Variants in NOX4 observed in about 807,000 individuals in gnomAD.
NOX4 encodes the protein NADPH oxidase 4, also known as kidney oxidase-1.
Under a neutral mutation model 87.6 loss-of-function variants are expected in NOX4, and 69 were observed. That is an observed-to-expected ratio of 0.79 (90% CI 0.65 to 0.96). The LOEUF is 0.96. NOX4 is among the 40% of genes least tolerant of loss of function. The probability of loss-of-function intolerance (pLI) is 0.00; values close to 1 mark genes in which losing one functional copy is unlikely to be tolerated. For missense variants in NOX4, 680 were observed against 681.5 expected, an observed-to-expected ratio of 1.00 and a Z score of 0.02; for synonymous variants, 275 against 238.2, an observed-to-expected ratio of 1.15 and a Z score of -1.42.
Position 89,451,778 on chromosome 11 carries a change from T to A in NOX4, c.264+7A>T, listed in dbSNP as rs770745784. On this transcript the variant is annotated splice_region_variant and intron_variant, in intron 3 of 17. Coordinates refer to ENST00000263317, the MANE Select transcript of NOX4 (RefSeq NM_016931.5). ...TGGAATTTGAAAGTAGGACTGTTTT[T>A]TCTTACCTTCTGTGATCCTCGGAGG... is the stretch of plus-strand genomic sequence containing the variant. 6.3e-7 allele frequency: 1 copy of A among 1,589,146 alleles called. No individual in the cohort carries two copies. The highest frequency in any genetic ancestry group is 1.3e-5 in the African/African-American group (1 of 74,344).
intron 8 of NOX4, among the ~76,000 whole-genome samples, chr11:89,405,916 T>C (rs928114162): frequency 4.6e-5 from 7 of 152,036 alleles, no homozygotes; most frequent in African/African-American, 1.7e-4. Context: ...CTATTCCCCT[T>C]GCAAAATATC....
intron 11 of NOX4, among the ~76,000 whole-genome samples, chr11:89,390,518 C>G (rs1941051722): frequency 6.6e-6 from 1 of 152,044 alleles, no homozygotes; most frequent in Admixed American, 6.6e-5. Flanking sequence ...TTTAATAAAG[C>G]ATAAGTAAAA....
At chr11:89,586,522 T>A in the NOX4 span, among the ~76,000 whole-genome samples, 9 of 152,166 alleles carry the variant, frequency 5.9e-5, no homozygotes, top group African/African-American at 2.2e-4. Flanking sequence ...TGCAAGTAAC[T>A]CATTTAAGTA....
At chr11:89,335,298 C>T (rs1327369263) in intron 17 of NOX4, among the ~76,000 whole-genome samples, 4 of 151,586 alleles carry the variant, frequency 2.6e-5, no homozygotes, top group African/African-American at 7.3e-5. Flanking sequence ...ATCATAGACA[C>T]GTAGTCCATA....
At chr11:89,476,392 C>T (rs893669970) in intron 2 of NOX4, among the ~76,000 whole-genome samples, 2 of 152,018 alleles carry the variant, frequency 1.3e-5, no homozygotes, top group African/African-American at 4.8e-5. Flanking sequence ...AAAATACTCA[C>T]TACATTCATT....
intron 8 of NOX4, among the ~76,000 whole-genome samples, chr11:89,419,627 TTAA>T (rs1942979686): frequency 2.6e-5 from 4 of 151,864 alleles, no homozygotes; most frequent in African/African-American, 9.7e-5. Context: ...TTAATTTAGT[TTAA>T]TAATTGATTG....
chr11:89,536,325 T>A, the NOX4 span, among the ~76,000 whole-genome samples: 2 of 151,940 alleles, frequency 1.3e-5, no homozygotes, highest in East Asian at 3.9e-4. Flanking sequence ...TTCTTGTATT[T>A]TTAGCAGAGA....
the NOX4 span, among the ~76,000 whole-genome samples, chr11:89,525,205 TC>T: frequency 6.6e-6 from 1 of 152,072 alleles, no homozygotes; most frequent in African/African-American, 2.4e-5. Context: ...TTTATTCTTT[TC>T]TTTAAATTCC....
At chr11:89,425,424 AC>A (rs1337881783) in intron 7 of NOX4, among the ~76,000 whole-genome samples, 3,115 of 147,444 alleles carry the variant, frequency 0.021, 120 homozygotes, top group African/African-American at 0.077. Flanking sequence ...AAAAAAAAAA[AC>A]AAAACAAAAT....
At chr11:89,349,566 A>G (rs1363749606) in intron 13 of NOX4, among the ~76,000 whole-genome samples, 11 of 152,192 alleles carry the variant, frequency 7.2e-5, no homozygotes. Flanking sequence ...TTGAGGTAGG[A>G]CATTGCTTTT....
At chr11:89,375,097 T>C (rs747885092) in intron 11 of NOX4, among the ~76,000 whole-genome samples, 2 of 152,180 alleles carry the variant, frequency 1.3e-5, no homozygotes, top group African/African-American at 2.4e-5. Context: ...ACATAATCTA[T>C]GTCCAAGGTT....
intron 4 of NOX4, among the ~76,000 whole-genome samples, chr11:89,444,524 TACACACAC>T (rs35340897): frequency 0.014 from 2,087 of 144,952 alleles, 48 homozygotes; most frequent in African/African-American, 0.05. Context: ...CTAACACACA[TACACACAC>T]ACACACACAC....
the NOX4 span, among the ~76,000 whole-genome samples, chr11:89,565,629 TATTAG>T: frequency 6.6e-6 from 1 of 152,100 alleles, no homozygotes; most frequent in Non-Finnish European, 1.5e-5. Flanking sequence ...AAAATCCTTC[TATTAG>T]ATAAGAAAAA....
intron 2 of NOX4, among the ~76,000 whole-genome samples, chr11:89,458,313 A>G (rs1269641308): frequency 3.3e-5 from 5 of 152,206 alleles, no homozygotes; most frequent in Non-Finnish European, 7.4e-5. Context: ...AATTAATTCA[A>G]GATGAATGAA....
At chr11:89,416,392 C>T (rs1942774104) in intron 8 of NOX4, among the ~76,000 whole-genome samples, 1 of 152,302 alleles carries the variant, frequency 6.6e-6, no homozygotes, top group Non-Finnish European at 1.5e-5. Flanking sequence ...TTTCCCTCTG[C>T]CACATCAGTG....
chr11:89,465,982 G>A (rs1945676290), intron 2 of NOX4, among the ~76,000 whole-genome samples: 1 of 152,090 alleles, frequency 6.6e-6, no homozygotes, highest in Admixed American at 6.6e-5. Context: ...ACAGCAAAAG[G>A]ATTAATGCCT....
intron 2 of NOX4, among the ~76,000 whole-genome samples, chr11:89,464,211 G>A (rs1190420962): frequency 1.3e-5 from 2 of 151,996 alleles, no homozygotes; most frequent in African/African-American, 4.8e-5. Context: ...TTAATTCAAA[G>A]TGGATTTAAG....
the NOX4 span, among the ~76,000 whole-genome samples, chr11:89,514,116 T>C: frequency 6.6e-6 from 1 of 152,090 alleles, no homozygotes. Context: ...TTTAACAATA[T>C]TAATTCTTTT....
intron 11 of NOX4, among the ~76,000 whole-genome samples, chr11:89,395,794 G>C (rs317158): frequency 4.5e-4 from 68 of 152,098 alleles, no homozygotes; most frequent in Non-Finnish European, 7.9e-4. Flanking sequence ...TGTCAAGTTT[G>C]CCAAAGATCA....
Sources: gnomAD v4.1 joint callset for allele counts (sites outside exome capture counted in the v4.1 genomes callset) on GRCh38, gnomAD v4.1.1 for gene constraint, MANE v1.5 for transcripts, NCBI Gene and HGNC (gene_info 2026-07-23, HGNC 2026-07-21) for gene names.